Variants in VRTN observed in about 807,000 individuals in gnomAD.
VRTN encodes vertebrae development associated, also known as vertnin.
A neutral mutation model predicts 18.2 loss-of-function variants in VRTN; 5 were observed. That is an observed-to-expected ratio of 0.27 (90% confidence interval 0.14 to 0.58). VRTN has a LOEUF of 0.58. VRTN is among the 20% of genes least tolerant of loss of function. The pLI is 0.91. For missense variants in VRTN, 741 were observed against 939.4 expected (o/e 0.79, Z 2.76); for synonymous variants, 381 against 393.7 (o/e 0.97, Z 0.38).
chr14:74,345,510 C>T (rs951251392), upstream of VRTN, among the ~76,000 whole-genome samples: 4 of 151,550 alleles, frequency 2.6e-5, no homozygotes, highest in African/African-American at 9.7e-5. Context: ...TGCCACCATG[C>T]CCGGCTAATT....
intron 1 of VRTN, among the ~76,000 whole-genome samples, chr14:74,334,808 G>C (rs1011481606): frequency 6.6e-6 from 1 of 152,186 alleles, no homozygotes; most frequent in Non-Finnish European, 1.5e-5. Context: ...CATACTCCCA[G>C]GTACATGCCG....
chr14:74,314,824 T>C (rs749745945), intron 1 of VRTN, among the ~76,000 whole-genome samples: 1 of 152,212 alleles, frequency 6.6e-6, no homozygotes, highest in African/African-American at 2.4e-5. Context: ...GCAAGGCCTC[T>C]GTTCAGATTC....
Position 74,331,544 on chromosome 14 carries a change from TTATATATATATATATATA to T in VRTN, c.-163-6150_-163-6133del, listed in dbSNP as rs1169929236. ...AACTCCATCTCAAAAAAAAAAAATT[TTATATATATATATATATA>T]TATATATATATATATATATATATAT... On this transcript the variant is annotated intron_variant, in intron 1 of 2. Transcript: ENST00000557177. 7.0e-3 allele frequency among the ~76,000 whole-genome samples: 303 copies of T among 43,498 alleles called. 5 individuals are homozygous for T. The highest frequency in any genetic ancestry group is 0.034 in the Middle Eastern group (2 of 58). 28.5% of individuals were successfully genotyped at this position (43,498 alleles called of 152,430 possible). A position where few individuals can be genotyped will look rare whatever the true frequency, so the allele number is the denominator to read the frequency against.
intron 1 of VRTN, among the ~76,000 whole-genome samples, chr14:74,354,078 A>G (rs2085706383): frequency 6.6e-6 from 1 of 152,132 alleles, no homozygotes; most frequent in Admixed American, 6.6e-5. Flanking sequence ...AATGTTAAAT[A>G]ATGTCCGAGA....
intron 1 of VRTN, among the ~76,000 whole-genome samples, chr14:74,333,615 G>T (rs547317312): frequency 2.0e-4 from 30 of 151,886 alleles, no homozygotes; most frequent in Non-Finnish European, 3.5e-4. Flanking sequence ...CGAGGCAGGC[G>T]GATCACCTGA....
chr14:74,339,728 C>G (rs982755580), intron 2 of VRTN, among the ~76,000 whole-genome samples: 5 of 152,034 alleles, frequency 3.3e-5, no homozygotes, highest in African/African-American at 7.2e-5. Context: ...GCGGGAGGAT[C>G]GATTGAGCCC....
At chr14:74,344,114 A>G (rs543454298), upstream of VRTN, among the ~76,000 whole-genome samples, 131 of 151,496 alleles carry the variant, frequency 8.6e-4, no homozygotes, top group African/African-American at 3.1e-3. Context: ...TAACTTTAAA[A>G]AATGTGTTTA....
intron 1 of VRTN, among the ~76,000 whole-genome samples, chr14:74,350,120 G>A (rs996717513): frequency 2.0e-5 from 3 of 152,148 alleles, no homozygotes; most frequent in Admixed American, 2.0e-4. Flanking sequence ...TTGCCAAAAA[G>A]ACTGTTGCAC....
At chr14:74,303,843 ATTTTTTTTTTT>A (rs67822776) in intron 1 of VRTN, among the ~76,000 whole-genome samples, 2 of 88,498 alleles carry the variant, frequency 2.3e-5, no homozygotes, top group African/African-American at 1.0e-4. Context: ...ACAATTACAG[ATTTTTTTTTTT>A]TTTTTTTTTT....
intron 1 of VRTN, among the ~76,000 whole-genome samples, chr14:74,332,335 GTT>G (rs67857502): frequency 2.5e-5 from 1 of 39,540 alleles, no homozygotes; most frequent in East Asian, 8.3e-4. Flanking sequence ...CTCCTAATCT[GTT>G]TTTTTTTTTT....
At chr14:74,312,238 A>G (rs2085392988) in intron 1 of VRTN, among the ~76,000 whole-genome samples, 1 of 152,204 alleles carries the variant, frequency 6.6e-6, no homozygotes, top group African/African-American at 2.4e-5. Context: ...ATTACATATA[A>G]TGCTGCAATT....
intron 1 of VRTN, among the ~76,000 whole-genome samples, chr14:74,353,015 G>A (rs781395481): frequency 2.6e-5 from 4 of 152,170 alleles, no homozygotes; most frequent in Admixed American, 1.3e-4. Flanking sequence ...CTGGGGCCAG[G>A]CATGGTGGCT....
intron 1 of VRTN, among the ~76,000 whole-genome samples, chr14:74,333,559 G>A (rs911662529): frequency 8.6e-5 from 13 of 151,100 alleles, no homozygotes; most frequent in African/African-American, 3.2e-4. Flanking sequence ...AAAACAACAG[G>A]GTGGGCATGG....
At chr14:74,336,705 G>A (rs2085567053) in intron 1 of VRTN, among the ~76,000 whole-genome samples, 1 of 152,062 alleles carries the variant, frequency 6.6e-6, no homozygotes, top group Admixed American at 6.6e-5. Flanking sequence ...AGACGGAGGT[G>A]GAGGTTGCGG....
chr14:74,346,326 A>C (rs1022762410), upstream of VRTN, among the ~76,000 whole-genome samples: 1 of 152,068 alleles, frequency 6.6e-6, no homozygotes, highest in Non-Finnish European at 1.5e-5. Flanking sequence ...GAAAAGAAAG[A>C]TGAAAATGCA....
At chr14:74,332,924 C>T (rs529155883) in intron 1 of VRTN, among the ~76,000 whole-genome samples, 1 of 152,264 alleles carries the variant, frequency 6.6e-6, no homozygotes, top group East Asian at 1.9e-4. Flanking sequence ...TCCTCAGTGT[C>T]CTCATGGCAT....
At chr14:74,349,967 G>C (rs999714) in intron 1 of VRTN, among the ~76,000 whole-genome samples, 1 of 152,124 alleles carries the variant, frequency 6.6e-6, no homozygotes, top group Non-Finnish European at 1.5e-5. Flanking sequence ...TACCTTTTCA[G>C]ATCACTTCCA....
intron 1 of VRTN, among the ~76,000 whole-genome samples, chr14:74,329,037 G>A (rs145174345): frequency 7.9e-5 from 12 of 152,254 alleles, no homozygotes; most frequent in African/African-American, 2.4e-4. Context: ...TTGGGAGGCC[G>A]AGGAGGGCGG....
chr14:74,355,947 T>C (rs982378448), intron 1 of VRTN, among the ~76,000 whole-genome samples: 5 of 151,208 alleles, frequency 3.3e-5, no homozygotes, highest in Non-Finnish European at 7.4e-5. Context: ...TCCTCCTGCC[T>C]CAGCCTCCCA....
Sources: allele counts gnomAD v4.1 joint callset (sites outside exome capture counted in the v4.1 genomes callset), GRCh38; gene constraint gnomAD v4.1.1; transcripts MANE v1.5; gene names NCBI Gene and HGNC (gene_info 2026-07-23, HGNC 2026-07-21).